ACOXL: variants seen among roughly 807,000 people sequenced by gnomAD.
The protein encoded by ACOXL is acyl-coenzyme A oxidase-like protein.
ACOXL carries 70 observed loss-of-function variants against 71.9 expected under a neutral mutation model. That is an observed-to-expected ratio of 0.97 (90% CI 0.80 to 1.19). The LOEUF (loss-of-function observed/expected upper bound fraction) is 1.19, where lower values mean the gene tolerates loss of function less well. Among genes scored for constraint, ACOXL ranks in the 50% most tolerant of loss-of-function variants. The pLI is 0.00. For missense variants in ACOXL, 703 were observed against 736.3 expected (o/e 0.95, Z 0.52); for synonymous variants, 253 against 281.6 (o/e 0.90, Z 1.02).
At chr2:110,942,192 CAA>C (rs2060892302) in intron 12 of ACOXL, among the ~76,000 whole-genome samples, 1 of 152,062 alleles carries the variant, frequency 6.6e-6, no homozygotes, top group Non-Finnish European at 1.5e-5. Context: ...ACATAGAAAA[CAA>C]ATAGCAAAAT....
intron 12 of ACOXL, chr2:110,963,695 CGAT>C: frequency 6.2e-7 from 1 of 1,613,478 alleles, no homozygotes; most frequent in Non-Finnish European, 8.5e-7. Flanking sequence ...TTGAAGGTGA[CGAT>C]GTTGTTATGC....
At chr2:111,102,521 G>A (rs2069235435) in intron 17 of ACOXL, among the ~76,000 whole-genome samples, 1 of 152,190 alleles carries the variant, frequency 6.6e-6, no homozygotes, top group African/African-American at 2.4e-5. Context: ...TTGGGGAGAT[G>A]CTTAAAGTGC....
intron 10 of ACOXL, among the ~76,000 whole-genome samples, chr2:110,882,426 G>A (rs887894119): frequency 2.6e-5 from 4 of 151,972 alleles, no homozygotes; most frequent in African/African-American, 9.7e-5. Flanking sequence ...TTGTCTTTTT[G>A]TTCTCTTAAT....
In ACOXL at chr2:110,838,844, C is replaced by T. The variant is rs750523875; in HGVS notation, c.754-2527C>T. ...GGTTCCCACATAGCACGGAGGCTTT[C>T]CCCCCTCCCCAGTTGTCGTGTGCCC... On this transcript the variant is annotated intron_variant, in intron 9 of 17. Transcript: ENST00000439055. Among the ~76,000 whole-genome samples, 4 of 152,274 alleles carry T rather than the reference C, an allele frequency of 2.6e-5. No homozygotes were observed. In the East Asian group the frequency reaches 5.8e-4, roughly 22 times the overall value.
At chr2:110,754,432 G>A (rs557775560) in intron 1 of ACOXL, among the ~76,000 whole-genome samples, 2 of 152,140 alleles carry the variant, frequency 1.3e-5, no homozygotes, top group East Asian at 1.9e-4. Context: ...CATGATGAGG[G>A]CACACAACAT....
intron 11 of ACOXL, 138 bp from the exon 12 acceptor site, chr2:110,933,351 A>G (rs2060547804): frequency 9.4e-7 from 1 of 1,068,874 alleles, no homozygotes; most frequent in Non-Finnish European, 1.3e-6. Flanking sequence ...TTTAGTGACT[A>G]TCTACAGTTT....
intron 12 of ACOXL, among the ~76,000 whole-genome samples, chr2:110,972,341 G>A (rs2062233696): frequency 6.6e-6 from 1 of 152,156 alleles, no homozygotes; most frequent in Non-Finnish European, 1.5e-5. Flanking sequence ...GATCACCACA[G>A]ACCTTAAGTC....
At chr2:110,902,820 G>C (rs1005480649) in intron 10 of ACOXL, among the ~76,000 whole-genome samples, 3 of 152,232 alleles carry the variant, frequency 2.0e-5, no homozygotes, top group African/African-American at 4.8e-5. Flanking sequence ...GACTCTGTGA[G>C]AGGTTGGAGG....
intron 1 of ACOXL, among the ~76,000 whole-genome samples, chr2:110,741,955 G>T (rs1390792058): frequency 1.3e-5 from 2 of 152,186 alleles, no homozygotes; most frequent in Non-Finnish European, 2.9e-5. Context: ...GTTTTCTTGC[G>T]AGTCTCACAA....
intron 12 of ACOXL, among the ~76,000 whole-genome samples, chr2:110,934,577 A>G (rs1002918781): frequency 1.3e-5 from 2 of 152,192 alleles, no homozygotes; most frequent in East Asian, 1.9e-4. Context: ...TGTAGAAAAT[A>G]AAAGGGAAAG....
chr2:111,101,736 C>T (rs1437304130), intron 17 of ACOXL, among the ~76,000 whole-genome samples: 1 of 152,006 alleles, frequency 6.6e-6, no homozygotes, highest in Non-Finnish European at 1.5e-5. Flanking sequence ...TCTGATTTGG[C>T]TTCAAGGCAG....
At chr2:110,849,921 T>A (rs1219847068) in intron 10 of ACOXL, among the ~76,000 whole-genome samples, 1 of 152,174 alleles carries the variant, frequency 6.6e-6, no homozygotes, top group Non-Finnish European at 1.5e-5. Flanking sequence ...AGACTTGTAG[T>A]CCAATGGGAC....
At chr2:110,819,596 C>A (rs1044359030) in intron 9 of ACOXL, among the ~76,000 whole-genome samples, 1 of 152,134 alleles carries the variant, frequency 6.6e-6, no homozygotes, top group Non-Finnish European at 1.5e-5. Context: ...ATCATAGCTT[C>A]ATGGAAGCGA....
chr2:110,798,895 C>T, intron 6 of ACOXL, 119 bp from the exon 7 acceptor site: 1 of 1,205,608 alleles, frequency 8.3e-7, no homozygotes, highest in South Asian at 1.3e-5. Context: ...TGCTCTCATG[C>T]TTGGTGCACA....
At chr2:110,833,463 T>G (rs1261225960) in intron 9 of ACOXL, among the ~76,000 whole-genome samples, 2 of 152,118 alleles carry the variant, frequency 1.3e-5, no homozygotes, top group African/African-American at 4.8e-5. Context: ...ACGGTCACCA[T>G]GAGGGATGCT....
chr2:110,843,536 C>T, intron 10 of ACOXL, among the ~76,000 whole-genome samples: 1 of 152,146 alleles, frequency 6.6e-6, no homozygotes, highest in East Asian at 1.9e-4. Context: ...ATCCTGGCGG[C>T]TTCAGATTGC....
At chr2:110,969,741 G>A (rs1455495095) in intron 12 of ACOXL, among the ~76,000 whole-genome samples, 4 of 151,884 alleles carry the variant, frequency 2.6e-5, no homozygotes, top group African/African-American at 9.7e-5. Flanking sequence ...AGCTTGGGGT[G>A]CAGAGGCTGC....
At chr2:110,740,818 G>A (rs995893509) in intron 1 of ACOXL, among the ~76,000 whole-genome samples, 6 of 152,202 alleles carry the variant, frequency 3.9e-5, no homozygotes, top group Non-Finnish European at 7.3e-5. Flanking sequence ...ACAGTCTAAT[G>A]TGGCCAGGTC....
chr2:110,810,113 A>G (rs914244553), intron 9 of ACOXL, among the ~76,000 whole-genome samples: 1 of 152,222 alleles, frequency 6.6e-6, no homozygotes, highest in Non-Finnish European at 1.5e-5. Context: ...TAATGGCCAC[A>G]AACCAGGTGC....
Sources: allele counts gnomAD v4.1 joint callset (sites outside exome capture counted in the v4.1 genomes callset), GRCh38; gene constraint gnomAD v4.1.1; transcripts MANE v1.5; gene names NCBI Gene and HGNC (gene_info 2026-07-23, HGNC 2026-07-21).